G3BP2: variants seen among roughly 807,000 people sequenced by gnomAD.
The protein encoded by G3BP2 is G3BP stress granule assembly factor 2.
G3BP2 carries 11 observed loss-of-function variants against 56.7 expected under a neutral mutation model. The observed-to-expected ratio is 0.19, with a 90% CI of 0.12 to 0.32. The LOEUF is 0.32. G3BP2 is among the 10% of genes least tolerant of loss of function. The probability of loss-of-function intolerance (pLI) is 1.00; values close to 1 mark genes in which losing one functional copy is unlikely to be tolerated. For synonymous variants in G3BP2, 165 were observed against 191.6 expected, an observed-to-expected ratio of 0.86 and a Z score of 1.15; for missense variants, 340 against 610.9, an observed-to-expected ratio of 0.56 and a Z score of 4.67.
At chr4:75,681,422 C>T (rs993790792) in intron 3 of G3BP2, among the ~76,000 whole-genome samples, 1 of 152,178 alleles carries the variant, frequency 6.6e-6, no homozygotes, top group African/African-American at 2.4e-5. Context: ...TTCCAGGACC[C>T]TCAGTGGATG....
At chr4:75,692,188 C>T (rs1718885687) in intron 3 of G3BP2, among the ~76,000 whole-genome samples, 1 of 152,152 alleles carries the variant, frequency 6.6e-6, no homozygotes, top group Admixed American at 6.5e-5. Context: ...GTGCCTAGTG[C>T]TTGCTCTCTA....
chr4:75,658,727 CA>C (rs957118245), intron 3 of G3BP2, 115 bp downstream of exon 3: 3,646 of 581,220 alleles, frequency 6.3e-3, no homozygotes, highest in Middle Eastern at 8.0e-3. Flanking sequence ...AACTCCGTCT[CA>C]AAAAAAAAAG....
intron 2 of G3BP2, among the ~76,000 whole-genome samples, chr4:75,721,432 AT>A (rs958286315): frequency 6.6e-6 from 1 of 150,594 alleles, no homozygotes; most frequent in Non-Finnish European, 1.5e-5. Context: ...CTAATATTTT[AT>A]TTTTTGTAGA....
chr4:75,657,322 AT>A (rs1388293275), intron 4 of G3BP2, among the ~76,000 whole-genome samples: 2 of 152,220 alleles, frequency 1.3e-5, no homozygotes, highest in African/African-American at 4.8e-5. Context: ...ATACCAATAT[AT>A]TTTTTGTATT....
intron 3 of G3BP2, among the ~76,000 whole-genome samples, chr4:75,693,809 A>C (rs1007690143): frequency 2.0e-5 from 3 of 149,400 alleles, no homozygotes; most frequent in African/African-American, 7.4e-5. Context: ...AAAGAGCTGG[A>C]CTGCAACCTC....
In G3BP2 at chr4:75,645,694, C is replaced by T; in HGVS notation, c.1185G>A (p.Met395Ile). 2 of 1,613,400 alleles carry T rather than the reference C, an allele frequency of 1.2e-6. No homozygotes were observed. Among genetic ancestry groups the T allele is most frequent in the South Asian group, 1.1e-5 (1 of 91,066 alleles). Residue 395 changes from methionine (M) to isoleucine (I), a missense_variant, in exon 12 of 12, where the codon ATG becomes ATA. Met to Ile is a conservative substitution (Grantham distance 10, BLOSUM62 1). Around this residue, in one of 4 missense-constraint regions of G3BP2, gnomAD observed 94 missense variants for 173.8 expected, o/e 0.54. Transcript: ENST00000359707. ...VQRILIAKPI[M>I]FRGEVRLNVE... ...CATTTAAACGTACTTCCCCTCGAAA[C>T]ATAATCGGCTTTATAAAAGAGAAGA...
intron 3 of G3BP2, among the ~76,000 whole-genome samples, chr4:75,701,851 A>ATTC (rs1024197747): frequency 5.3e-5 from 8 of 152,372 alleles, no homozygotes; most frequent in African/African-American, 1.9e-4. Flanking sequence ...GATGAGAAAG[A>ATTC]TAGACCTTGA....
In G3BP2 at chr4:75,703,420, A is replaced by G. The variant is rs146113529; in HGVS notation, c.-25+17457T>C. ...CCACTTACCCTTAGTCACGTATGCAACTTCTACTGGTTTCCCCCAACCCCT... is the reference window on the plus strand; with the variant it reads ...CCACTTACCCTTAGTCACGTATGCAGCTTCTACTGGTTTCCCCCAACCCCT... On this transcript the variant is annotated intron_variant, in intron 3 of 3. Transcript: ENST00000499709. Among the ~76,000 whole-genome samples the G allele has an allele frequency of 2.4e-3, 369 of 152,318 alleles. 1 individual carries two copies. The highest frequency in any genetic ancestry group is 8.6e-3 in the African/African-American group (356 of 41,552).
intron 1 of G3BP2, 197 bp downstream of exon 1, chr4:75,673,011 C>T: frequency 2.0e-6 from 2 of 988,208 alleles, no homozygotes; most frequent in Non-Finnish European, 2.4e-6. Flanking sequence ...CGGCCTCCCA[C>T]CCCTCACCTA....
chr4:75,685,673 G>C (rs1408424298), intron 3 of G3BP2, among the ~76,000 whole-genome samples: 2 of 152,108 alleles, frequency 1.3e-5, no homozygotes, highest in African/African-American at 4.8e-5. Flanking sequence ...TTGCATACAT[G>C]GTTTTCAGCA....
chr4:75,715,054 C>T (rs574038143), intron 3 of G3BP2, among the ~76,000 whole-genome samples: 4 of 152,300 alleles, frequency 2.6e-5, no homozygotes, highest in African/African-American at 9.6e-5. Flanking sequence ...AAAGTGGCAA[C>T]ATCTGTCTAG....
At position 75,656,295 on chromosome 4, in the gene G3BP2, A is replaced by AT. The variant is rs11304157; in HGVS notation, c.443-426dup. Reference sequence around the variant, plus strand: ...GCATGAGCCACCGCGCTCGGCTCCAATTTTTTTTTTTTTAATAACAAAGGC... The same window carrying AT: ...GCATGAGCCACCGCGCTCGGCTCCAATTTTTTTTTTTTTTAATAACAAAGGC... On this transcript the variant is annotated intron_variant, in intron 5 of 11. Coordinates refer to ENST00000359707, the MANE Select transcript of G3BP2 (RefSeq NM_203505.3). Among the ~76,000 whole-genome samples, 447 of 148,464 alleles carry AT rather than the reference A, an allele frequency of 3.0e-3. 2 individuals carry two copies. The highest frequency in any genetic ancestry group is 0.02 in the Admixed American group (302 of 14,872).
intron 2 of G3BP2, among the ~76,000 whole-genome samples, chr4:75,659,449 C>T (rs778107787): frequency 3.9e-5 from 6 of 152,108 alleles, no homozygotes; most frequent in Non-Finnish European, 5.9e-5. Flanking sequence ...TCCAAAATTA[C>T]GCCAGCATCT....
At chr4:75,719,017 G>A (rs931235419) in intron 3 of G3BP2, among the ~76,000 whole-genome samples, 6 of 152,324 alleles carry the variant, frequency 3.9e-5, no homozygotes, top group East Asian at 3.9e-4. Context: ...AGTAGGGCTG[G>A]AGTTGAAGAC....
At chr4:75,699,082 G>A (rs1247060676) in intron 3 of G3BP2, among the ~76,000 whole-genome samples, 1 of 152,064 alleles carries the variant, frequency 6.6e-6, no homozygotes, top group Non-Finnish European at 1.5e-5. Flanking sequence ...AATACACTGT[G>A]CTCCTGTCTA....
Position 75,672,909 on chromosome 4 carries a change from T to C in G3BP2, c.-25+299A>G, listed in dbSNP as rs1733611090. On this transcript the variant is annotated intron_variant, in intron 1 of 11. Coordinates refer to ENST00000359707, the MANE Select transcript of G3BP2 (RefSeq NM_203505.3). ...AGCTGCTGCGTGCCTCCCCCCCCAC[T>C]TCGCCACCTCATCCCCAATAAACCT... 3 of 694,510 alleles carry C rather than the reference T, an allele frequency of 4.3e-6. 1 individual carries two copies. The highest frequency in any genetic ancestry group is 1.3e-4 in the Admixed American group (2 of 15,852). The allele number at this position is 694,510 out of a possible 1,614,324, so 43.0% of individuals were successfully genotyped here. A position where few individuals can be genotyped will look rare whatever the true frequency, so the allele number is the denominator to read the frequency against.
At chr4:75,717,912 G>A (rs969541112) in intron 3 of G3BP2, among the ~76,000 whole-genome samples, 3 of 152,006 alleles carry the variant, frequency 2.0e-5, no homozygotes, top group African/African-American at 7.2e-5. Flanking sequence ...AGGCTGAGGC[G>A]GGTGGGTCAC....
chr4:75,717,702 C>T (rs1437670282), intron 3 of G3BP2, among the ~76,000 whole-genome samples: 1 of 152,152 alleles, frequency 6.6e-6, no homozygotes, highest in Non-Finnish European at 1.5e-5. Context: ...GCAACCCTAC[C>T]CTGGCTATTC....
chr4:75,673,320 C>G lies in G3BP2; in HGVS notation c.-137G>C, dbSNP rs1035255400. On this transcript the variant is annotated 5_prime_UTR_variant, in exon 1 of 12. Coordinates refer to ENST00000359707, the MANE Select transcript of G3BP2 (RefSeq NM_203505.3). ...CCCCCTTCCTCCGACAACTCGGAAG[C>G]CTCGGAAGCCGGAGAGCCGCGAGTT... is the stretch of plus-strand genomic sequence containing the variant. 5 of 1,229,206 alleles carry G rather than the reference C, an allele frequency of 4.1e-6. No homozygotes were observed. In the African/African-American group the frequency reaches 6.3e-5, roughly 15 times the overall value. The allele number at this position is 1,229,206 out of a possible 1,614,324, so 76.1% of individuals were successfully genotyped here.
Sources: gnomAD v4.1 joint callset for allele counts (sites outside exome capture counted in the v4.1 genomes callset) on GRCh38, gnomAD v4.1.1 for gene constraint, gnomAD v4.1.1 regional missense constraint, MANE v1.5 for transcripts, NCBI Gene and HGNC (gene_info 2026-07-23, HGNC 2026-07-21) for gene names.